The following COBLL1 variants were observed in gnomAD, a reference collection of about 807,000 sequenced individuals.
COBLL1 encodes the protein cordon-bleu protein-like 1.
In COBLL1, 50 loss-of-function variants were observed where a neutral mutation model predicts 94.8. The observed-to-expected ratio is 0.53, with a 90% CI of 0.42 to 0.67. The LOEUF (loss-of-function observed/expected upper bound fraction) is 0.67, where lower values mean the gene tolerates loss of function less well. Among genes scored for constraint, COBLL1 ranks in the 30% least tolerant of loss-of-function variants. The pLI is 0.00. For synonymous variants in COBLL1, 448 were observed against 473.8 expected (o/e 0.95, Z 0.71); for missense variants, 1,362 against 1,348.7 (o/e 1.01, Z -0.15).
chr2:164,683,151 T>A lies in COBLL1; in HGVS notation c.*2795A>T, dbSNP rs6717858. The A allele has an allele frequency of 6.6e-6, 1 of 151,558 alleles. No homozygotes were observed. The allele number at this position is 151,558 out of a possible 1,614,324, so 9.4% of individuals were successfully genotyped here. A position where few individuals can be genotyped will look rare whatever the true frequency, so the allele number is the denominator to read the frequency against. On this transcript the variant is annotated 3_prime_UTR_variant, in exon 14 of 14. Transcript: ENST00000652658. Reference sequence around the variant, plus strand: ...GGAGAGGAGAGTGGGATGCTGGGGATGAAAAAGAATGTATTTTATACTCTA... The same window carrying A: ...GGAGAGGAGAGTGGGATGCTGGGGAAGAAAAAGAATGTATTTTATACTCTA...
chr2:164,822,809 C>T (rs1392084862), intron 2 of COBLL1, among the ~76,000 whole-genome samples: 1 of 149,706 alleles, frequency 6.7e-6, no homozygotes, highest in Non-Finnish European at 1.5e-5. Flanking sequence ...CACCCTGTTG[C>T]CCAGGCTGCA....
chr2:164,793,305 A>G (rs1271862697), intron 2 of COBLL1, among the ~76,000 whole-genome samples: 1 of 152,104 alleles, frequency 6.6e-6, no homozygotes, highest in Non-Finnish European at 1.5e-5. Flanking sequence ...TTTTCTTAAA[A>G]AACAAAACAA....
chr2:164,726,097 C>T (rs1357764572), intron 5 of COBLL1, among the ~76,000 whole-genome samples: 1 of 152,106 alleles, frequency 6.6e-6, no homozygotes, highest in East Asian at 1.9e-4. Flanking sequence ...CCACATCCTT[C>T]CATTACTGGA....
chr2:164,734,466 T>A (rs1416988445), intron 3 of COBLL1, among the ~76,000 whole-genome samples: 3 of 152,158 alleles, frequency 2.0e-5, no homozygotes, highest in Admixed American at 2.0e-4. Flanking sequence ...ACTTGAGATT[T>A]TACTGAGTGA....
intron 2 of COBLL1, among the ~76,000 whole-genome samples, chr2:164,759,158 A>C (rs1376345218): frequency 6.6e-6 from 1 of 152,198 alleles, no homozygotes; most frequent in Non-Finnish European, 1.5e-5. Context: ...CATACTCTCA[A>C]ATATGAACTT....
At chr2:164,770,479 T>A (rs1364811545) in intron 2 of COBLL1, among the ~76,000 whole-genome samples, 1 of 152,112 alleles carries the variant, frequency 6.6e-6, no homozygotes, top group African/African-American at 2.4e-5. Context: ...CTATATTAAA[T>A]CTTTTGAAAC....
At chr2:164,822,777 TA>T in intron 2 of COBLL1, among the ~76,000 whole-genome samples, 1 of 131,730 alleles carries the variant, frequency 7.6e-6, no homozygotes, top group African/African-American at 3.0e-5. Context: ...TTATTATTAT[TA>T]TTATTTTGGA....
chr2:164,732,383 C>G (rs1189617792), intron 3 of COBLL1, among the ~76,000 whole-genome samples: 17 of 152,116 alleles, frequency 1.1e-4, no homozygotes, highest in Non-Finnish European at 2.9e-5. Context: ...GAGAGACTAG[C>G]AAAATGGTCT....
chr2:164,814,700 G>T (rs1574637710), intron 2 of COBLL1, among the ~76,000 whole-genome samples: 1 of 152,248 alleles, frequency 6.6e-6, no homozygotes, highest in African/African-American at 2.4e-5. Context: ...GAAAAAGACA[G>T]AATTTGCCTA....
At chr2:164,789,961 A>G (rs1366726305) in intron 2 of COBLL1, among the ~76,000 whole-genome samples, 2 of 152,210 alleles carry the variant, frequency 1.3e-5, no homozygotes, top group Non-Finnish European at 2.9e-5. Context: ...TTTAAAGTTT[A>G]CCATTTGTTT....
chr2:164,830,676 G>T (rs355811), intron 2 of COBLL1, among the ~76,000 whole-genome samples: 105,598 of 152,066 alleles, frequency 0.69, 38,389 homozygotes, highest in African/African-American at 0.92. Flanking sequence ...GTGAATTTAC[G>T]ACATACTTCT....
intron 2 of COBLL1, among the ~76,000 whole-genome samples, chr2:164,809,253 T>G (rs561455998): frequency 6.6e-6 from 1 of 152,190 alleles, no homozygotes; most frequent in Admixed American, 6.5e-5. Context: ...TTCTGGTAGG[T>G]ATGCTTGATA....
chr2:164,739,636 T>C (rs1250074159), intron 3 of COBLL1, among the ~76,000 whole-genome samples: 5 of 152,206 alleles, frequency 3.3e-5, no homozygotes, highest in Non-Finnish European at 7.3e-5. Context: ...TTGAAGTCTT[T>C]TCAGAGTTAC....
At chr2:164,816,432 C>G (rs1279958632) in intron 2 of COBLL1, among the ~76,000 whole-genome samples, 3 of 152,080 alleles carry the variant, frequency 2.0e-5, no homozygotes, top group Non-Finnish European at 2.9e-5. Context: ...CTTTACTGTA[C>G]AGACAGCAAA....
rs146060190 is a variant in COBLL1, at chr2:164,695,533, T to C, written c.1859A>G (p.His620Arg). The change falls in exon 12 of 14, where the codon CAT becomes CGT. Residue 620 changes from histidine to arginine, a missense_variant. By Grantham distance (29) the His-to-Arg change is conservative. Coordinates refer to ENST00000652658, the MANE Select transcript of COBLL1 (RefSeq NM_001365672.2). ...TTCAACTTTGGAGTCAGATAAATTA[T>C]GATCTTGGTGTTTCCCATCAAAACT... ...CNSFDGKHQD[H>R]NLSDSKVEEC... 331 of 1,614,016 alleles carry C rather than the reference T, an allele frequency of 2.1e-4. No homozygotes were observed. The highest frequency in any genetic ancestry group is 4.0e-4 in the Admixed American group (24 of 60,008).
chr2:164,765,693 C>CA (rs957118099), intron 2 of COBLL1, among the ~76,000 whole-genome samples: 113 of 150,052 alleles, frequency 7.5e-4, no homozygotes, highest in African/African-American at 2.2e-3. Flanking sequence ...AATGTTTTTA[C>CA]AAAAAAAAAT....
intron 8 of COBLL1, 126 bp downstream of exon 8, chr2:164,704,826 A>G: frequency 9.6e-7 from 1 of 1,041,440 alleles, no homozygotes; most frequent in Non-Finnish European, 1.4e-6. Context: ...AGTGAGACTA[A>G]TCAAGATGTA....
Position 164,660,454 on chromosome 2 carries a change from A to G in COBLL1, n.181+5393T>C, listed in dbSNP as rs142401273. Among the ~76,000 whole-genome samples, 1,505 of 152,276 alleles carry G rather than the reference A, an allele frequency of 9.9e-3. 15 individuals carry two copies. The highest frequency in any genetic ancestry group is 0.029 in the African/African-American group (1,218 of 41,558). On this transcript the variant is annotated intron_variant and non_coding_transcript_variant, in intron 2 of 2. Coordinates refer to the COBLL1 transcript ENST00000495084. ...ATTCAGGAGGGCCACGAGGGGTTCAAATCCCTGACTCTGACCCAGTGAGAT... is the reference window on the plus strand; with the variant it reads ...ATTCAGGAGGGCCACGAGGGGTTCAGATCCCTGACTCTGACCCAGTGAGAT...
chr2:164,837,707 A>T (rs566467693), intron 2 of COBLL1, among the ~76,000 whole-genome samples: 1 of 152,304 alleles, frequency 6.6e-6, no homozygotes, highest in Non-Finnish European at 1.5e-5. Flanking sequence ...ATATGAATGT[A>T]CATATTACAT....
Sources: allele counts gnomAD v4.1 joint callset (sites outside exome capture counted in the v4.1 genomes callset), GRCh38; gene constraint gnomAD v4.1.1; transcripts MANE v1.5; gene names NCBI Gene and HGNC (gene_info 2026-07-23, HGNC 2026-07-21).